Variants in B3GALNT2 observed in about 807,000 individuals in gnomAD.
B3GALNT2 encodes the protein beta-1,3-N-acetylgalactosaminyltransferase 2, also known as UDP-GalNAc:beta-1,3-N-acetylgalactosaminyltransferase 2.
B3GALNT2 carries 53 observed loss-of-function variants against 61.1 expected under a neutral mutation model. The ratio of observed to expected loss-of-function variants is 0.87; its 90% CI spans 0.70 to 1.09. The LOEUF (loss-of-function observed/expected upper bound fraction) is 1.09, where lower values mean the gene tolerates loss of function less well. Among genes scored for constraint, B3GALNT2 ranks in the 50% least tolerant of loss-of-function variants. The probability of loss-of-function intolerance (pLI) is 0.00; values close to 1 mark genes in which losing one functional copy is unlikely to be tolerated. For synonymous variants in B3GALNT2, 223 were observed against 237.4 expected (o/e 0.94, Z 0.56); for missense variants, 544 against 623.0 (o/e 0.87, Z 1.35).
chr1:235,464,127 C>T (rs1683574427), intron 7 of B3GALNT2: 4 of 152,148 alleles, frequency 2.6e-5, no homozygotes, highest in Admixed American at 2.6e-4. Context: ...AACTATAAAA[C>T]TCTTGGAACT....
At chr1:235,497,709 C>G (rs962073101) in intron 1 of B3GALNT2, among the ~76,000 whole-genome samples, 1 of 152,162 alleles carries the variant, frequency 6.6e-6, no homozygotes, top group Non-Finnish European at 1.5e-5. Context: ...CTATCCCTTT[C>G]TTGTCATTAA....
chr1:235,457,746 A>G (rs1482951458), intron 8 of B3GALNT2, among the ~76,000 whole-genome samples: 1 of 152,168 alleles, frequency 6.6e-6, no homozygotes. Flanking sequence ...GAGAATGCCT[A>G]TCAGTAACCT....
chr1:235,463,022 T>G (rs1305834190), intron 7 of B3GALNT2, among the ~76,000 whole-genome samples: 1 of 152,224 alleles, frequency 6.6e-6, no homozygotes, highest in African/African-American at 2.4e-5. Context: ...GGTATATATA[T>G]ATATACCATG....
chr1:235,494,546 T>C, intron 2 of B3GALNT2, 135 bp downstream of exon 2: 1 of 940,776 alleles, frequency 1.1e-6, no homozygotes, highest in Non-Finnish European at 1.6e-6. Flanking sequence ...AGCCTCAATT[T>C]TCCAAGCTCA....
At chr1:235,477,191 T>C (rs945128707) in intron 5 of B3GALNT2, among the ~76,000 whole-genome samples, 11 of 152,222 alleles carry the variant, frequency 7.2e-5, no homozygotes, top group African/African-American at 2.6e-4. Context: ...CCAACCCAAT[T>C]TTTATTTTGA....
downstream of B3GALNT2, among the ~76,000 whole-genome samples, chr1:235,443,165 T>TACACAC (rs759694992): frequency 2.0e-5 from 3 of 148,384 alleles, no homozygotes; most frequent in African/African-American, 5.0e-5. Context: ...TGCATATAAT[T>TACACAC]ACACACACAC....
chr1:235,493,784 A>C (rs1000660236), intron 2 of B3GALNT2, among the ~76,000 whole-genome samples: 1 of 152,214 alleles, frequency 6.6e-6, no homozygotes, highest in Non-Finnish European at 1.5e-5. Context: ...TCAAAAAAAA[A>C]AAAAATTCAC....
At chr1:235,472,864 A>G (rs1684064853) in intron 5 of B3GALNT2, among the ~76,000 whole-genome samples, 1 of 151,996 alleles carries the variant, frequency 6.6e-6, no homozygotes, top group Non-Finnish European at 1.5e-5. Flanking sequence ...TGGTTTATAA[A>G]CATTTTTTTC....
At chr1:235,443,861 CAAT>C (rs1682065771), downstream of B3GALNT2, among the ~76,000 whole-genome samples, 1 of 152,098 alleles carries the variant, frequency 6.6e-6, no homozygotes, top group African/African-American at 2.4e-5. Context: ...ATGCTTGTGT[CAAT>C]AAAGTAGATC....
chr1:235,476,279 C>T (rs1437928027), intron 5 of B3GALNT2, among the ~76,000 whole-genome samples: 1 of 152,170 alleles, frequency 6.6e-6, no homozygotes, highest in African/African-American at 2.4e-5. Flanking sequence ...GGCGTGATGG[C>T]ACACGCCTAT....
At chr1:235,485,625 G>C (rs1284351155) in intron 3 of B3GALNT2, among the ~76,000 whole-genome samples, 2 of 152,270 alleles carry the variant, frequency 1.3e-5, no homozygotes, top group Admixed American at 6.5e-5. Flanking sequence ...TACCATAAAT[G>C]AATCAGAATA....
At chr1:235,460,451 A>AT (rs1231872421) in intron 7 of B3GALNT2, among the ~76,000 whole-genome samples, 6 of 125,178 alleles carry the variant, frequency 4.8e-5, no homozygotes, top group African/African-American at 1.7e-4. Context: ...GCCATGTTTT[A>AT]TTTAAAAAAA....
intron 7 of B3GALNT2, among the ~76,000 whole-genome samples, chr1:235,462,590 A>C (rs1683486150): frequency 6.6e-6 from 1 of 152,256 alleles, no homozygotes; most frequent in South Asian, 2.1e-4. Context: ...TCTTAAAATT[A>C]AATTAGAAAA....
chr1:235,468,775 A>G (rs1419942290), intron 6 of B3GALNT2, among the ~76,000 whole-genome samples: 2 of 152,188 alleles, frequency 1.3e-5, no homozygotes, highest in Admixed American at 6.5e-5. Context: ...AGTGTAACCA[A>G]TATTACAGAA....
At chr1:235,488,196 T>G (rs1191155463) in intron 3 of B3GALNT2, among the ~76,000 whole-genome samples, 1 of 152,222 alleles carries the variant, frequency 6.6e-6, no homozygotes, top group Non-Finnish European at 1.5e-5. Flanking sequence ...AATATTTGTT[T>G]CTTCAAGATT....
At chr1:235,444,779 A>G (rs772958071), downstream of B3GALNT2, among the ~76,000 whole-genome samples, 7 of 152,248 alleles carry the variant, frequency 4.6e-5, no homozygotes, top group Non-Finnish European at 7.3e-5. Flanking sequence ...AGATACATCA[A>G]ATCAATTCAT....
At chr1:235,440,332 G>C in the B3GALNT2 span, among the ~76,000 whole-genome samples, 7 of 151,906 alleles carry the variant, frequency 4.6e-5, no homozygotes, top group Non-Finnish European at 1.0e-4. Flanking sequence ...TTCAGGTGGC[G>C]CACCATGCTC....
chr1:235,470,627 A>G (rs980612327), intron 6 of B3GALNT2, among the ~76,000 whole-genome samples: 6 of 152,104 alleles, frequency 3.9e-5, no homozygotes, highest in Non-Finnish European at 5.9e-5. Flanking sequence ...AAATGCATCA[A>G]TCTTAAAGCA....
At chr1:235,478,096 C>T (rs929571378) in intron 5 of B3GALNT2, among the ~76,000 whole-genome samples, 8 of 152,028 alleles carry the variant, frequency 5.3e-5, no homozygotes, top group African/African-American at 1.9e-4. Flanking sequence ...TCTCTGTGGC[C>T]CAGGCTGGAG....
Sources: allele counts gnomAD v4.1 joint callset (sites outside exome capture counted in the v4.1 genomes callset), GRCh38; gene constraint gnomAD v4.1.1; transcripts MANE v1.5; gene names NCBI Gene and HGNC (gene_info 2026-07-23, HGNC 2026-07-21).